PARP16: variants seen among roughly 807,000 people sequenced by gnomAD.
The protein encoded by PARP16 is poly(ADP-ribose) polymerase family member 16.
PARP16 carries 31 observed loss-of-function variants against 35.0 expected under a neutral mutation model. The observed-to-expected ratio is 0.88, with a 90% CI of 0.66 to 1.19. PARP16 has a LOEUF of 1.19. Among genes scored for constraint, PARP16 ranks in the 50% most tolerant of loss-of-function variants. The probability of loss-of-function intolerance (pLI) is 0.00; values close to 1 mark genes in which losing one functional copy is unlikely to be tolerated. For missense variants in PARP16, 424 were observed against 411.2 expected, an observed-to-expected ratio of 1.03 and a Z score of -0.27; for synonymous variants, 162 against 169.5, an observed-to-expected ratio of 0.96 and a Z score of 0.34.
In PARP16 at chr15:65,271,049, A is replaced by G; in HGVS notation, c.198T>C (p.Pro66=). 6.2e-7 allele frequency: 1 copy of G among 1,614,084 alleles called. No individual in the cohort carries two copies. Among genetic ancestry groups the G allele is most frequent in the Non-Finnish European group, 8.5e-7 (1 of 1,179,966 alleles). Residue 66 remains proline, a synonymous_variant, in exon 2 of 6, where the codon CCT becomes CCC. Transcript: ENST00000649807. ...AGGACTGGAGAAGTTCTTTCAGGTT[A>G]GGTAACTTGCTGGCATCTGCAAGCT... ...EALLADASKL[P]NLKELLQSSG...
At chr15:65,274,834 C>T (rs1324145617) in intron 1 of PARP16, among the ~76,000 whole-genome samples, 2 of 151,216 alleles carry the variant, frequency 1.3e-5, no homozygotes, top group Admixed American at 6.6e-5. Context: ...TATTCATTGT[C>T]GCCAGGCGTG....
intron 1 of PARP16, among the ~76,000 whole-genome samples, chr15:65,280,453 A>G (rs949837440): frequency 6.6e-6 from 1 of 152,004 alleles, no homozygotes; most frequent in Non-Finnish European, 1.5e-5. Context: ...AAAAAAAAAA[A>G]AAATTAGCCA....
At chr15:65,267,625 TTAATTAAA>T (rs2089945586) in intron 2 of PARP16, among the ~76,000 whole-genome samples, 1 of 113,042 alleles carries the variant, frequency 8.8e-6, no homozygotes, top group Non-Finnish European at 1.9e-5. Context: ...AATAAATTAA[TTAATTAAA>T]TAATAATTAA....
downstream of PARP16, among the ~76,000 whole-genome samples, chr15:65,233,871 C>T (rs776605525): frequency 9.9e-5 from 15 of 152,168 alleles, no homozygotes; most frequent in East Asian, 1.9e-4. Context: ...ACTTTTTTGG[C>T]CTGAGTATTC....
At chr15:65,283,066 C>T (rs765904629) in intron 1 of PARP16, among the ~76,000 whole-genome samples, 15 of 152,190 alleles carry the variant, frequency 9.9e-5, no homozygotes, top group Admixed American at 6.5e-4. Context: ...TGATTGCATT[C>T]GCCAAGACCT....
Position 65,259,420 on chromosome 15 carries a change from C to T in PARP16, c.956G>A (p.Arg319His), listed in dbSNP as rs764337956. 12 of 1,613,976 alleles carry T rather than the reference C, an allele frequency of 7.4e-6. No homozygotes were observed. Among genetic ancestry groups the T allele is most frequent in the Non-Finnish European group, 1.0e-5 (12 of 1,180,008 alleles). Residue 319 changes from arginine to histidine, a missense_variant, in exon 6 of 6, where the codon CGT becomes CAT. Coordinates refer to ENST00000649807, the MANE Select transcript of PARP16 (RefSeq NM_001316943.2). The stretch of plus-strand genomic sequence containing the variant: ...GGCCCAGAAAGATTATCTTTTCGCA[C>T]GATTCCAAAAGTGTTGGAAAGCAGA... Reference protein sequence around the residue: ...NSSAFQHFWNRAKR With the variant: ...NSSAFQHFWNHAKR
intron 3 of PARP16, among the ~76,000 whole-genome samples, chr15:65,240,308 G>GT (rs1169550969): frequency 2.7e-5 from 2 of 72,862 alleles, no homozygotes; most frequent in Admixed American, 2.4e-4. Context: ...GTGTGTGTGT[G>GT]TGGTGGGGGG....
At chr15:65,275,925 C>A (rs1040593529) in intron 1 of PARP16, among the ~76,000 whole-genome samples, 1 of 152,186 alleles carries the variant, frequency 6.6e-6, no homozygotes, top group Non-Finnish European at 1.5e-5. Flanking sequence ...CTGTGAGTCA[C>A]AGCCCTTGTC....
At chr15:65,262,595 G>A (rs867044690) in intron 4 of PARP16, among the ~76,000 whole-genome samples, 3 of 152,128 alleles carry the variant, frequency 2.0e-5, no homozygotes, top group Non-Finnish European at 4.4e-5. Flanking sequence ...GAGAGCTCAG[G>A]ACTCCCCAGC....
chr15:65,252,727 A>G (rs1315312926), intron 2 of PARP16, among the ~76,000 whole-genome samples: 3 of 152,218 alleles, frequency 2.0e-5, no homozygotes, highest in Non-Finnish European at 4.4e-5. Flanking sequence ...CTAACTCATT[A>G]CTAAAACCTG....
At position 65,286,423 on chromosome 15, in the gene PARP16, G is replaced by A; in HGVS notation, c.4C>T (p.Gln2Ter). The A allele has an allele frequency of 4.6e-6, 7 of 1,519,516 alleles. No homozygotes were observed. The highest frequency in any genetic ancestry group is 3.8e-5 in the South Asian group (3 of 79,100). 94.1% of individuals were successfully genotyped at this position (1,519,516 alleles called of 1,614,324 possible). The change falls in exon 1 of 6, where the codon CAG (glutamine) becomes TAG (stop). Residue 2 changes from glutamine (Q) to a stop codon, truncating the protein, a stop_gained. Transcript: ENST00000649807. LOFTEE classifies it high-confidence loss of function. ...CTGGCGGCCGCCCAGCCTGAGGGCT[G>A]CATCCCAGGTCACTGCGCGTTGCCG... M[Q>*]PSGWAAAREA...
rs771507481 is a variant in PARP16 at position 65,259,545 on chromosome 15, G to A, written c.834-3C>T. 7.4e-6 allele frequency: 12 copies of A among 1,613,212 alleles called. No homozygotes were observed. In the South Asian group the frequency reaches 1.3e-4, roughly 18 times the overall value. ...ACCAGGAGAGCTGGCTCGAAGCCCT[G>A]CTTAAGAGGGAAAAAAGAGTGGTGT... On this transcript the variant is annotated splice_region_variant and splice_polypyrimidine_tract_variant and intron_variant, in intron 5 of 5. Transcript: ENST00000649807.
Position 65,281,691 on chromosome 15 carries a change from CA to C in PARP16, c.174+4561del, listed in dbSNP as rs139769806. Among the ~76,000 whole-genome samples the C allele has an allele frequency of 8.4e-3, 967 of 115,644 alleles. 5 individuals carry two copies. The highest frequency in any genetic ancestry group is 0.027 in the African/African-American group (763 of 28,582). The allele number at this position is 115,644 out of a possible 152,430, so 75.9% of individuals were successfully genotyped here. A position where few individuals can be genotyped will look rare whatever the true frequency, so the allele number is the denominator to read the frequency against. On this transcript the variant is annotated intron_variant, in intron 1 of 5. Transcript: ENST00000649807. ...GGGCAACAAGAGGGAAACTCCATCTCAAAAAAAAAAAAAAAATCAGAGAGCT... is the reference window on the plus strand; with the variant it reads ...GGGCAACAAGAGGGAAACTCCATCTCAAAAAAAAAAAAAAATCAGAGAGCT...
rs62014965 is a variant in PARP16, at chr15:65,283,688, C to T, written c.174+2565G>A. On this transcript the variant is annotated intron_variant, in intron 1 of 5. Transcript: ENST00000649807. ...CCAAAGCTGAGAGCTAGGGGGTGTC[C>T]TTGCTCTGGGCTTCCATGTTGTACG... 4.0e-3 allele frequency among the ~76,000 whole-genome samples: 611 copies of T among 152,268 alleles called. 2 individuals are homozygous for T. The highest frequency in any genetic ancestry group is 0.013 in the African/African-American group (540 of 41,552).
At chr15:65,233,307 C>CA (rs2088803301), downstream of PARP16, among the ~76,000 whole-genome samples, 1 of 152,064 alleles carries the variant, frequency 6.6e-6, no homozygotes, top group African/African-American at 2.4e-5. Flanking sequence ...GAGGCTGAGG[C>CA]AGGAGAATGG....
At chr15:65,272,797 A>G (rs2090131552) in intron 1 of PARP16, among the ~76,000 whole-genome samples, 2 of 152,200 alleles carry the variant, frequency 1.3e-5, no homozygotes, top group Admixed American at 6.5e-5. Context: ...CCTCTCCAAC[A>G]AGGGCACCTC....
At chr15:65,277,493 C>T (rs935655360) in intron 1 of PARP16, among the ~76,000 whole-genome samples, 3 of 152,242 alleles carry the variant, frequency 2.0e-5, no homozygotes, top group Non-Finnish European at 4.4e-5. Flanking sequence ...TGAACCCTTA[C>T]AGGTGCCAGC....
downstream of PARP16, among the ~76,000 whole-genome samples, chr15:65,231,297 CTG>C (rs1297571589): frequency 5.3e-5 from 8 of 152,146 alleles, no homozygotes; most frequent in African/African-American, 1.9e-4. Context: ...TATTAATATA[CTG>C]ATATGTGCAT....
chr15:65,241,844 G>A (rs909574875), intron 3 of PARP16, among the ~76,000 whole-genome samples: 4 of 151,898 alleles, frequency 2.6e-5, no homozygotes, highest in African/African-American at 7.3e-5. Flanking sequence ...TTCTCCCACC[G>A]ACAGTTGTCT....
Sources: allele counts gnomAD v4.1 joint callset (sites outside exome capture counted in the v4.1 genomes callset), GRCh38; gene constraint gnomAD v4.1.1; transcripts MANE v1.5; gene names NCBI Gene and HGNC (gene_info 2026-07-23, HGNC 2026-07-21).